Variants in BBS9 observed in about 807,000 individuals in gnomAD.
BBS9 encodes Bardet-Biedl syndrome 9, also known as protein PTHB1.
Under a neutral mutation model 117.7 loss-of-function variants are expected in BBS9, and 89 were observed. The observed-to-expected ratio is 0.76, with a 90% confidence interval of 0.64 to 0.90. The LOEUF (loss-of-function observed/expected upper bound fraction) is 0.90. Ranked by LOEUF, BBS9 falls within the 40% of genes least tolerant of loss-of-function variation. The pLI is 0.00. For synonymous variants in BBS9, 379 were observed against 370.9 expected (o/e 1.02, Z -0.25); for missense variants, 982 against 1,042.2 (o/e 0.94, Z 0.80).
At chr7:33,284,898 T>G in intron 9 of BBS9, among the ~76,000 whole-genome samples, 1 of 152,194 alleles carries the variant, frequency 6.6e-6, no homozygotes, top group Admixed American at 6.5e-5. Flanking sequence ...CTACCTCCTG[T>G]ATCTTTGCTA....
intron 19 of BBS9, among the ~76,000 whole-genome samples, chr7:33,445,032 A>G (rs1302851519): frequency 6.6e-6 from 1 of 152,152 alleles, no homozygotes; most frequent in Non-Finnish European, 1.5e-5. Flanking sequence ...GAAAAATAGT[A>G]CATGTATGTT....
chr7:33,254,734 T>TA (rs1406352303), intron 5 of BBS9, among the ~76,000 whole-genome samples: 2 of 152,208 alleles, frequency 1.3e-5, no homozygotes, highest in African/African-American at 2.4e-5. Context: ...TAAAAAATAT[T>TA]ACACGTATGA....
intron 9 of BBS9, among the ~76,000 whole-genome samples, chr7:33,303,708 C>T (rs976162248): frequency 6.6e-5 from 10 of 152,164 alleles, no homozygotes; most frequent in African/African-American, 1.2e-4. Flanking sequence ...GGGGTTTCGC[C>T]GTGTTGACCG....
rs61006845 is a variant in BBS9 at position 33,516,487 on chromosome 7, CAAAA to C, written c.2298+10863_2298+10866del. 2.9e-4 allele frequency among the ~76,000 whole-genome samples: 15 copies of C among 51,516 alleles called. No homozygotes were observed. The Admixed American group carries it at 4.5e-3, about 15-fold the overall frequency. The allele number at this position is 51,516 out of a possible 152,430, so 33.8% of individuals were successfully genotyped here. On this transcript the variant is annotated intron_variant, in intron 20 of 22. Transcript: ENST00000242067. ...CTGGGCAGCAGAGCAATTTCATCTCCAAAAAAAAAAAAAAAAAAAAAAAAGAGTT... is the reference window on the plus strand; with the variant it reads ...CTGGGCAGCAGAGCAATTTCATCTCCAAAAAAAAAAAAAAAAAAAAGAGTT...
chr7:33,615,739 A>G (rs951879221), intron 21 of BBS9, among the ~76,000 whole-genome samples: 1 of 152,094 alleles, frequency 6.6e-6, no homozygotes, highest in African/African-American at 2.4e-5. Flanking sequence ...AAAGTGGGTA[A>G]ATACTAAAAA....
intron 6 of BBS9, among the ~76,000 whole-genome samples, chr7:33,261,271 G>A (rs973492618): frequency 6.6e-6 from 1 of 152,126 alleles, no homozygotes; most frequent in African/African-American, 2.4e-5. Flanking sequence ...TTCACTGATA[G>A]TAAACATTTG....
intron 9 of BBS9, among the ~76,000 whole-genome samples, chr7:33,318,500 C>T (rs1811009044): frequency 6.6e-6 from 1 of 152,086 alleles, no homozygotes; most frequent in African/African-American, 2.4e-5. Flanking sequence ...CTGCCTGGTT[C>T]AAGTTCCTTT....
intron 5 of BBS9, among the ~76,000 whole-genome samples, chr7:33,194,503 A>T (rs2128198822): frequency 6.6e-6 from 1 of 152,242 alleles, no homozygotes; most frequent in Non-Finnish European, 1.5e-5. Flanking sequence ...TTAATCCACG[A>T]AGTTACATTT....
intron 20 of BBS9, among the ~76,000 whole-genome samples, chr7:33,525,652 G>C (rs1399893673): frequency 3.1e-5 from 4 of 131,100 alleles, no homozygotes; most frequent in Admixed American, 8.1e-5. Context: ...CTCTGCACGT[G>C]AGATGGGTTT....
intron 9 of BBS9, among the ~76,000 whole-genome samples, chr7:33,322,520 T>C (rs1811950207): frequency 6.6e-6 from 1 of 151,998 alleles, no homozygotes; most frequent in African/African-American, 2.4e-5. Flanking sequence ...TACCAATTTA[T>C]TGGCATATAG....
chr7:33,379,380 T>C (rs549813934), intron 17 of BBS9, among the ~76,000 whole-genome samples: 1 of 152,342 alleles, frequency 6.6e-6, no homozygotes, highest in East Asian at 1.9e-4. Context: ...TATAGTTGAA[T>C]GGAATAAATT....
chr7:33,293,960 A>G (rs897065437), intron 9 of BBS9, among the ~76,000 whole-genome samples: 1 of 152,130 alleles, frequency 6.6e-6, no homozygotes, highest in Middle Eastern at 3.2e-3. Flanking sequence ...TTCATTTCTC[A>G]GTGGAGCACA....
chr7:33,493,220 C>T (rs936394731), intron 19 of BBS9, among the ~76,000 whole-genome samples: 2 of 152,156 alleles, frequency 1.3e-5, no homozygotes, highest in African/African-American at 4.8e-5. Flanking sequence ...GTCTCAAACT[C>T]CTGACCTCAA....
rs1300574600 is a variant in BBS9, at chr7:33,353,272, C to G, written c.1552+399C>G. Among the ~76,000 whole-genome samples, 3 of 152,246 alleles carry G rather than the reference C, an allele frequency of 2.0e-5. No homozygotes were observed. The East Asian group carries it at 5.8e-4, about 29-fold the overall frequency. ...CTAAGTTGTGTTTTTCTACATCCTCCAAGAGATTCACCTCTCTGTGATAAG... is the reference window on the plus strand; with the variant it reads ...CTAAGTTGTGTTTTTCTACATCCTCGAAGAGATTCACCTCTCTGTGATAAG... On this transcript the variant is annotated intron_variant, in intron 15 of 22. Transcript: ENST00000242067.
intron 20 of BBS9, among the ~76,000 whole-genome samples, chr7:33,517,654 G>A (rs999931793): frequency 6.6e-6 from 1 of 152,056 alleles, no homozygotes; most frequent in Non-Finnish European, 1.5e-5. Context: ...TCAACTACTC[G>A]GGCTTTTATC....
At chr7:33,502,449 A>G (rs1376653206) in intron 19 of BBS9, among the ~76,000 whole-genome samples, 1 of 152,230 alleles carries the variant, frequency 6.6e-6, no homozygotes, top group Non-Finnish European at 1.5e-5. Context: ...TATGGATACA[A>G]TAGGCATAAA....
At chr7:33,151,607 TG>T (rs1793329333) in intron 2 of BBS9, among the ~76,000 whole-genome samples, 1 of 152,082 alleles carries the variant, frequency 6.6e-6, no homozygotes, top group East Asian at 1.9e-4. Flanking sequence ...TGGAGTACAG[TG>T]GCACTGTCTC....
intron 2 of BBS9, 72 bp downstream of exon 2, chr7:33,146,436 G>T: frequency 8.1e-7 from 1 of 1,238,216 alleles, no homozygotes; most frequent in South Asian, 1.2e-5. Context: ...CACGGTGGCC[G>T]ACTGCTGTAA....
rs546643282 is a variant in BBS9, at chr7:33,489,463, G to A, written c.2116-16000G>A. On this transcript the variant is annotated intron_variant, in intron 19 of 22. Transcript: ENST00000242067. ...TCCTTGTGTACTCATCTCTGTTCAG[G>A]CAATAGCTGGTATAAAACTAGAGAT... 2.6e-5 allele frequency among the ~76,000 whole-genome samples: 4 copies of A among 151,118 alleles called. No homozygotes were observed. The East Asian group carries it at 7.8e-4, about 29-fold the overall frequency.
Sources: allele counts gnomAD v4.1 joint callset (sites outside exome capture counted in the v4.1 genomes callset), GRCh38; gene constraint gnomAD v4.1.1; transcripts MANE v1.5; gene names NCBI Gene and HGNC (gene_info 2026-07-23, HGNC 2026-07-21).